The following RABEPK variants were observed in gnomAD, a reference collection of about 807,000 sequenced individuals.
RABEPK encodes the protein 40 kDa Rab9 effector protein.
A neutral mutation model predicts 34.1 loss-of-function variants in RABEPK; 27 were observed. That is an observed-to-expected ratio of 0.79 (90% confidence interval 0.58 to 1.09). The LOEUF (loss-of-function observed/expected upper bound fraction) is 1.09. Among genes scored for constraint, RABEPK ranks in the 50% least tolerant of loss-of-function variants. The pLI is 0.00. For missense variants in RABEPK, 449 were observed against 462.6 expected (o/e 0.97, Z 0.27); for synonymous variants, 172 against 169.2 (o/e 1.02, Z -0.13).
rs139966908 is a variant in RABEPK at position 125,232,782 on chromosome 9, T to C, written c.826+37T>C. ...TCCATGGGGGATCTTTAAACAAATC[T>C]AAACATTCTTTGAAACGTGATGCGG... On this transcript the variant is annotated intron_variant, in intron 7 of 7. Coordinates refer to ENST00000373538, the MANE Select transcript of RABEPK (RefSeq NM_005833.4). The C allele has an allele frequency of 5.0e-6, 8 of 1,585,680 alleles. No homozygotes were observed. The East Asian group carries it at 1.8e-4, about 36-fold the overall frequency.
At chr9:125,218,476 G>A (rs1205330514) in intron 4 of RABEPK, among the ~76,000 whole-genome samples, 1 of 152,174 alleles carries the variant, frequency 6.6e-6, no homozygotes, top group East Asian at 1.9e-4. Flanking sequence ...CCAAGCTTGA[G>A]TGAAGACACC....
At chr9:125,226,849 G>A (rs1479351790) in intron 5 of RABEPK, among the ~76,000 whole-genome samples, 1 of 131,088 alleles carries the variant, frequency 7.6e-6, no homozygotes, top group African/African-American at 2.9e-5. Context: ...GGGCGACAGA[G>A]CGAGACTCTG....
chr9:125,228,045 A>C lies in RABEPK; in HGVS notation c.662A>C (p.His221Pro). ...LAGDRFYDDL[H>P]CIDISDMKWQ... ...GGGGACAGATTCTATGATGACCTCC[A>C]CTGCATTGATATAAGTAAGCAGGGC... The change falls in exon 6 of 8, where the codon CAC becomes CCC. Residue 221 changes from histidine (H) to proline (P), a missense_variant. Coordinates refer to ENST00000373538, the MANE Select transcript of RABEPK (RefSeq NM_005833.4). The C allele has an allele frequency of 6.3e-7, 1 of 1,587,434 alleles. No homozygotes were observed. Among genetic ancestry groups the C allele is most frequent in the Non-Finnish European group, 8.6e-7 (1 of 1,164,876 alleles).
Position 125,207,725 on chromosome 9 carries a change from A to T in RABEPK, c.211+4A>T, listed in dbSNP as rs1830318733. The T allele has an allele frequency of 4.3e-6, 7 of 1,614,096 alleles. No homozygotes were observed. In the East Asian group the frequency reaches 1.6e-4, roughly 36 times the overall value. On this transcript the variant is annotated splice_donor_region_variant and intron_variant, in intron 3 of 7. Coordinates refer to ENST00000373538, the MANE Select transcript of RABEPK (RefSeq NM_005833.4). ...GACGTGCACACCATGGATCTGGGTAAGATCAGCAGCTGCAGAGTACATGCC... is the reference window on the plus strand; with the variant it reads ...GACGTGCACACCATGGATCTGGGTATGATCAGCAGCTGCAGAGTACATGCC...
intron 5 of RABEPK, 186 bp downstream of exon 5, chr9:125,220,886 G>T: frequency 1.4e-6 from 1 of 740,224 alleles, no homozygotes. Context: ...GGATAGTGAG[G>T]CCTGGCATGG....
In RABEPK at chr9:125,220,573, C is replaced by T; in HGVS notation, c.399C>T (p.Ser133=). Residue 133 remains serine, a synonymous_variant, in exon 5 of 8, where the codon AGC becomes AGT. Transcript: ENST00000373538. ...TRTWTTPEVT[S]PPPSPRTFHT... is the part of the protein sequence containing the mutation. ...CGTGGACCACGCCAGAAGTGACCAG[C>T]CCCCCACCATCCCCAAGAACATTCC... is the stretch of plus-strand genomic sequence containing the variant. 3.1e-6 allele frequency: 5 copies of T among 1,596,424 alleles called. No homozygotes were observed. The highest frequency in any genetic ancestry group is 2.2e-5 in the South Asian group (2 of 90,360).
At chr9:125,214,670 G>C (rs1050175990) in intron 4 of RABEPK, among the ~76,000 whole-genome samples, 5 of 151,282 alleles carry the variant, frequency 3.3e-5, no homozygotes, top group African/African-American at 1.2e-4. Context: ...TTGTTTGTTT[G>C]TTTTTGTTTT....
chr9:125,207,440 G>A (rs1830295041), intron 2 of RABEPK, 124 bp from the exon 3 acceptor site: 1 of 1,007,844 alleles, frequency 9.9e-7, no homozygotes, highest in Non-Finnish European at 1.5e-6. Flanking sequence ...TGCTTTATTG[G>A]GTACAATTTA....
In RABEPK at chr9:125,225,254, G is replaced by A. The variant is rs138524599; in HGVS notation, c.527-2656G>A. ...ACAAAAATTAGCCAGGCATGATGGTGTGCACCTATAATCCCAGCTATTTGA... is the reference window on the plus strand; with the variant it reads ...ACAAAAATTAGCCAGGCATGATGGTATGCACCTATAATCCCAGCTATTTGA... On this transcript the variant is annotated intron_variant, in intron 5 of 7. Coordinates refer to ENST00000373538, the MANE Select transcript of RABEPK (RefSeq NM_005833.4). 4.4e-4 allele frequency among the ~76,000 whole-genome samples: 67 copies of A among 152,222 alleles called. No homozygotes were observed. The East Asian group carries it at 0.012, about 28-fold the overall frequency.
Position 125,227,923 on chromosome 9 carries a change from G to A in RABEPK, c.540G>A (p.Trp180Ter). 6.3e-7 allele frequency: 1 copy of A among 1,595,406 alleles called. No individual in the cohort carries two copies. Among genetic ancestry groups the A allele is most frequent in the Non-Finnish European group, 8.5e-7 (1 of 1,170,620 alleles). Residue 180 changes from tryptophan (W) to a stop codon, truncating the protein, a stop_gained, in exon 6 of 8, where the codon TGG becomes TGA. Transcript: ENST00000373538. LOFTEE classifies it high-confidence loss of function. ...LHVFDANTLT[W>*]SQPETLGNPP... ...TTACTTTTCTAGACACTCTGACCTG[G>A]TCACAGCCAGAGACACTTGGAAATC... is the stretch of plus-strand genomic sequence containing the variant.
At chr9:125,204,883 G>A (rs1437905760) in intron 2 of RABEPK, among the ~76,000 whole-genome samples, 4 of 152,092 alleles carry the variant, frequency 2.6e-5, no homozygotes, top group African/African-American at 4.8e-5. Flanking sequence ...GCTGGAATGC[G>A]GTGGTACAAT....
At chr9:125,214,599 G>A (rs1271082744) in intron 4 of RABEPK, among the ~76,000 whole-genome samples, 1 of 152,138 alleles carries the variant, frequency 6.6e-6, no homozygotes, top group Non-Finnish European at 1.5e-5. Flanking sequence ...GTTTGGGAAC[G>A]TCGCTACTGA....
Position 125,227,892 on chromosome 9 carries a change from T to C in RABEPK, c.527-18T>C, listed in dbSNP as rs748398515. 7.2e-6 allele frequency: 11 copies of C among 1,522,246 alleles called. No homozygotes were observed. The highest frequency in any genetic ancestry group is 8.9e-6 in the Non-Finnish European group (10 of 1,129,158). The allele number at this position is 1,522,246 out of a possible 1,614,324, so 94.3% of individuals were successfully genotyped here. A position where few individuals can be genotyped will look rare whatever the true frequency, so the allele number is the denominator to read the frequency against. The stretch of plus-strand genomic sequence containing the variant: ...TTAATAGTTTTGCCATTTGATGTTA[T>C]TGAATTTACTTTTCTAGACACTCTG... On this transcript the variant is annotated intron_variant, in intron 5 of 7. Transcript: ENST00000373538.
intron 5 of RABEPK, chr9:125,222,249 T>C (rs1831391437): frequency 6.6e-6 from 1 of 151,832 alleles, no homozygotes; most frequent in Admixed American, 6.6e-5. Flanking sequence ...TAAAGCAGTT[T>C]TAAAAGTTTA....
Position 125,207,705 on chromosome 9 carries a change from G to T in RABEPK, c.195G>T (p.Val65=), listed in dbSNP as rs759332054. 1 of 1,614,098 alleles carries T rather than the reference G, an allele frequency of 6.2e-7. No individual in the cohort carries two copies. The highest frequency in any genetic ancestry group is 8.5e-7 in the Non-Finnish European group (1 of 1,179,962). ...ATCCAAACAGAAGCTTCTCAGACGTGCACACCATGGATCTGGGTAAGATCA... is the reference window on the plus strand; with the variant it reads ...ATCCAAACAGAAGCTTCTCAGACGTTCACACCATGGATCTGGGTAAGATCA... ...GANPNRSFSD[V]HTMDLGKHQW... is the part of the protein sequence containing the mutation. Residue 65 remains valine (V), a synonymous_variant, in exon 3 of 8, where the codon GTG becomes GTT. Transcript: ENST00000373538.
At chr9:125,225,026 G>A (rs1463653661) in intron 5 of RABEPK, among the ~76,000 whole-genome samples, 1 of 152,114 alleles carries the variant, frequency 6.6e-6, no homozygotes, top group African/African-American at 2.4e-5. Context: ...GGCTGAGGTG[G>A]GAGGACCACT....
intron 4 of RABEPK, 92 bp downstream of exon 4, chr9:125,213,614 G>A (rs1830728988): frequency 8.8e-7 from 1 of 1,140,824 alleles, no homozygotes; most frequent in Non-Finnish European, 1.2e-6. Context: ...TATAATTCCA[G>A]TACATTTGGA....
intron 4 of RABEPK, chr9:125,220,200 C>G: frequency 1.3e-6 from 1 of 761,162 alleles, no homozygotes. Context: ...GGGTTTTACC[C>G]CATGTTGGCC....
At position 125,207,772 on chromosome 9, in the gene RABEPK, G is replaced by A. The variant is rs1286199643; in HGVS notation, c.211+51G>A. 1.9e-6 allele frequency: 3 copies of A among 1,593,612 alleles called. No homozygotes were observed. The African/African-American group carries it at 4.0e-5, about 21-fold the overall frequency. On this transcript the variant is annotated intron_variant, in intron 3 of 7. Transcript: ENST00000373538. ...TGCCCTATGGCCAGAGAACAGGGCT[G>A]TGTGCTGCTAGCCATGAGCAGGGCA...
Sources: gnomAD v4.1 joint callset for allele counts (sites outside exome capture counted in the v4.1 genomes callset) on GRCh38, gnomAD v4.1.1 for gene constraint, MANE v1.5 for transcripts, NCBI Gene and HGNC (gene_info 2026-07-23, HGNC 2026-07-21) for gene names.